NREP: variants seen among roughly 807,000 people sequenced by gnomAD.
NREP encodes the protein neuronal regeneration related protein.
Under a neutral mutation model 8.6 loss-of-function variants are expected in NREP, and 5 were observed. The observed-to-expected ratio is 0.58, with a 90% CI of 0.30 to 1.22. NREP has a LOEUF of 1.22. NREP is among the 50% of genes most tolerant of loss of function. The probability of loss-of-function intolerance (pLI) is 0.07; values close to 1 mark genes in which losing one functional copy is unlikely to be tolerated. For missense variants in NREP, 86 were observed against 82.5 expected (o/e 1.04, Z -0.17); for synonymous variants, 27 against 28.0 (o/e 0.96, Z 0.11).
At chr5:111,748,877 A>G (rs558608468) in intron 2 of NREP, among the ~76,000 whole-genome samples, 1 of 152,302 alleles carries the variant, frequency 6.6e-6, no homozygotes, top group South Asian at 2.1e-4. Flanking sequence ...AAACATGCAG[A>G]AATAAGCCAG....
rs191974705 is a variant in NREP at position 111,875,416 on chromosome 5, G to A, written c.135+99858C>T. On this transcript the variant is annotated intron_variant, in intron 2 of 3. Coordinates refer to the NREP transcript ENST00000395634. ...TGGAAAGCTGTCACTTTCCAGAAACGTATCAGGAAAAATAAAATAAAATTT... is the reference window on the plus strand; with the variant it reads ...TGGAAAGCTGTCACTTTCCAGAAACATATCAGGAAAAATAAAATAAAATTT... Among the ~76,000 whole-genome samples the A allele has an allele frequency of 2.3e-3, 355 of 151,992 alleles. 2 individuals are homozygous for A. Among genetic ancestry groups the A allele is most frequent in the African/African-American group, 8.1e-3 (334 of 41,456 alleles).
At chr5:111,898,565 G>A (rs1045200600) in intron 2 of NREP, among the ~76,000 whole-genome samples, 1 of 152,166 alleles carries the variant, frequency 6.6e-6, no homozygotes, top group Non-Finnish European at 1.5e-5. Flanking sequence ...TAAGAGAGAA[G>A]TTTAGACCAG....
chr5:111,976,714 G>C lies in NREP; in HGVS notation c.26C>G (p.Ala9Gly), dbSNP rs1438597860. 7 of 1,550,192 alleles carry C rather than the reference G, an allele frequency of 4.5e-6. No individual in the cohort carries two copies. The Admixed American group carries it at 1.4e-4, about 30-fold the overall frequency. The stretch of plus-strand genomic sequence containing the variant: ...AGTAAGTTATTCTTCACATACCAAA[G>C]CAGAATAATTCCAAACTCCTTTCAT... The change falls in exon 1 of 4, where the codon GCT becomes GGT. Residue 9 changes from alanine (A) to glycine (G), a missense_variant. By Grantham distance (60) the Ala-to-Gly change is moderately conservative. Coordinates refer to the NREP transcript ENST00000395634.
intron 2 of NREP, 86 bp downstream of exon 2, chr5:111,755,684 G>A (rs886504423): frequency 7.0e-7 from 1 of 1,433,290 alleles, no homozygotes; most frequent in South Asian, 1.1e-5. Flanking sequence ...ATGAAGGGTT[G>A]AGGCGGATGA....
At chr5:111,956,689 CGTG>C (rs1345042419) in intron 2 of NREP, among the ~76,000 whole-genome samples, 1 of 151,960 alleles carries the variant, frequency 6.6e-6, no homozygotes, top group Admixed American at 6.6e-5. Context: ...TAAGGCTGAG[CGTG>C]GTGGTTCATG....
intron 2 of NREP, among the ~76,000 whole-genome samples, chr5:111,887,639 C>G (rs1403931270): frequency 6.6e-6 from 1 of 152,126 alleles, no homozygotes; most frequent in Non-Finnish European, 1.5e-5. Context: ...TAAAATATAG[C>G]TGAATGTGCT....
intron 2 of NREP, among the ~76,000 whole-genome samples, chr5:111,959,141 A>G (rs534939177): frequency 1.3e-5 from 2 of 152,170 alleles, no homozygotes; most frequent in South Asian, 4.1e-4. Context: ...TTCTTAAGCA[A>G]GTTGCCAAAA....
At chr5:111,821,926 G>C (rs1201257140) in intron 2 of NREP, among the ~76,000 whole-genome samples, 1 of 152,040 alleles carries the variant, frequency 6.6e-6, no homozygotes. Context: ...ATATTACGTA[G>C]AATATGCTGC....
At chr5:111,892,049 TA>T (rs139495124) in intron 2 of NREP, among the ~76,000 whole-genome samples, 2,084 of 151,900 alleles carry the variant, frequency 0.014, 18 homozygotes, top group East Asian at 0.029. Flanking sequence ...AGTAGAAAAG[TA>T]AGGAACAAAA....
intron 2 of NREP, among the ~76,000 whole-genome samples, chr5:111,814,614 T>A (rs1420696686): frequency 6.6e-6 from 1 of 152,156 alleles, no homozygotes; most frequent in African/African-American, 2.4e-5. Flanking sequence ...GCAACTATTA[T>A]GTACCAGGTA....
intron 2 of NREP, among the ~76,000 whole-genome samples, chr5:111,972,328 G>T (rs1264093779): frequency 6.6e-6 from 1 of 152,138 alleles, no homozygotes; most frequent in Non-Finnish European, 1.5e-5. Flanking sequence ...ACAGTACGTA[G>T]CATCCTCAAA....
At chr5:111,761,979 T>C (rs1361949688), upstream of NREP, among the ~76,000 whole-genome samples, 1 of 152,064 alleles carries the variant, frequency 6.6e-6, no homozygotes, top group Non-Finnish European at 1.5e-5. Flanking sequence ...CTGAGAGTAA[T>C]TTGGCGGATG....
intron 2 of NREP, among the ~76,000 whole-genome samples, chr5:111,881,580 C>A (rs931293401): frequency 1.4e-4 from 21 of 152,162 alleles, no homozygotes; most frequent in Non-Finnish European, 2.4e-4. Flanking sequence ...GAGGCACCCC[C>A]CAGTAGGGGC....
intron 2 of NREP, among the ~76,000 whole-genome samples, chr5:111,878,741 C>A (rs1347314532): frequency 2.0e-5 from 3 of 152,166 alleles, no homozygotes; most frequent in East Asian, 3.8e-4. Flanking sequence ...GCCTGTCCCC[C>A]ACCCCCCTGC....
chr5:111,762,166 T>C (rs1324475602), upstream of NREP, among the ~76,000 whole-genome samples: 1 of 152,070 alleles, frequency 6.6e-6, no homozygotes, highest in African/African-American at 2.4e-5. Flanking sequence ...TCATTATGGG[T>C]TCAGAAAGCA....
intron 2 of NREP, among the ~76,000 whole-genome samples, chr5:111,944,621 A>G (rs1755926402): frequency 6.6e-6 from 1 of 151,992 alleles, no homozygotes; most frequent in East Asian, 1.9e-4. Flanking sequence ...TCTCTTTCCA[A>G]TTTTATTTGT....
At chr5:111,911,783 G>A (rs1561723271) in intron 2 of NREP, among the ~76,000 whole-genome samples, 1 of 152,070 alleles carries the variant, frequency 6.6e-6, no homozygotes, top group African/African-American at 2.4e-5. Flanking sequence ...AAAGCTTGAG[G>A]AGACCTCTGC....
intron 2 of NREP, chr5:111,845,991 C>T (rs550510878): frequency 6.5e-6 from 1 of 153,134 alleles, no homozygotes; most frequent in African/African-American, 2.4e-5. Context: ...AAAAGTACCA[C>T]CAGCTAGAAT....
chr5:111,897,965 A>T (rs933348032), intron 2 of NREP, among the ~76,000 whole-genome samples: 1 of 152,206 alleles, frequency 6.6e-6, no homozygotes, highest in Non-Finnish European at 1.5e-5. Flanking sequence ...TAATAGCAAA[A>T]GTATTCAAGT....
Sources: gnomAD v4.1 joint callset for allele counts (sites outside exome capture counted in the v4.1 genomes callset) on GRCh38, gnomAD v4.1.1 for gene constraint, MANE v1.5 for transcripts, NCBI Gene and HGNC (gene_info 2026-07-23, HGNC 2026-07-21) for gene names.